The following KSR2 variants were observed in gnomAD, a reference collection of about 807,000 sequenced individuals.
The protein encoded by KSR2 is kinase suppressor of ras 2.
KSR2 carries 25 observed loss-of-function variants against 107.8 expected under a neutral mutation model. That is an observed-to-expected ratio of 0.23 (90% CI 0.17 to 0.32). The LOEUF is 0.32. Among genes scored for constraint, KSR2 ranks in the 10% least tolerant of loss-of-function variants. The pLI is 1.00. For synonymous variants in KSR2, 480 were observed against 507.0 expected, an observed-to-expected ratio of 0.95 and a Z score of 0.71; for missense variants, 887 against 1,268.9, an observed-to-expected ratio of 0.70 and a Z score of 4.57.
chr12:117,475,568 A>T (rs559641352), intron 17 of KSR2, among the ~76,000 whole-genome samples: 4 of 152,216 alleles, frequency 2.6e-5, no homozygotes, highest in African/African-American at 9.6e-5. Context: ...TTCCTCTTTT[A>T]TTCCCACAGT....
intron 4 of KSR2, among the ~76,000 whole-genome samples, chr12:117,697,102 C>T (rs2136599892): frequency 6.6e-6 from 1 of 152,296 alleles, no homozygotes; most frequent in Non-Finnish European, 1.5e-5. Flanking sequence ...AAGCACCCAG[C>T]ACAGAGAACA....
intron 9 of KSR2, among the ~76,000 whole-genome samples, chr12:117,550,686 G>A (rs1407097285): frequency 2.6e-5 from 4 of 152,228 alleles, no homozygotes; most frequent in Non-Finnish European, 5.9e-5. Context: ...GTCATAAGGA[G>A]TAGGAACTAT....
intron 17 of KSR2, among the ~76,000 whole-genome samples, chr12:117,476,030 C>T (rs139435745): frequency 6.6e-6 from 1 of 152,306 alleles, no homozygotes; most frequent in African/African-American, 2.4e-5. Flanking sequence ...CTCATAAAAG[C>T]CCACTCAGAA....
chr12:117,565,260 G>A (rs1244688039), intron 7 of KSR2, among the ~76,000 whole-genome samples: 2 of 152,198 alleles, frequency 1.3e-5, no homozygotes, highest in Non-Finnish European at 2.9e-5. Context: ...GCTCCGATCA[G>A]CTTCGATCTC....
chr12:117,550,115 A>G (rs1877185636), intron 9 of KSR2, among the ~76,000 whole-genome samples: 1 of 152,216 alleles, frequency 6.6e-6, no homozygotes, highest in Non-Finnish European at 1.5e-5. Flanking sequence ...AGCTGGAAAC[A>G]TCCATCAGAG....
At chr12:117,898,213 T>TTAAA (rs1486636011) in intron 1 of KSR2, among the ~76,000 whole-genome samples, 1 of 152,168 alleles carries the variant, frequency 6.6e-6, no homozygotes, top group Non-Finnish European at 1.5e-5. Context: ...TGGTACAGAG[T>TTAAA]TAAATGCAAT....
intron 5 of KSR2, among the ~76,000 whole-genome samples, chr12:117,652,884 C>A (rs1012135714): frequency 9.2e-5 from 14 of 152,126 alleles, no homozygotes; most frequent in African/African-American, 3.4e-4. Flanking sequence ...GTGGTCATTT[C>A]CCCAGTGCCA....
At chr12:117,594,243 C>G (rs1484749721) in intron 5 of KSR2, among the ~76,000 whole-genome samples, 1 of 152,142 alleles carries the variant, frequency 6.6e-6, no homozygotes, top group Non-Finnish European at 1.5e-5. Context: ...AATTTACTGC[C>G]TGGATGGACT....
At position 117,579,142 on chromosome 12, in the gene KSR2, A is replaced by G. The variant is rs774735100; in HGVS notation, c.1302T>C (p.Phe434=). ...ACTTGCAGTTTTTACACTTGAGGCC[A>G]AAAAGCATCCCTTTCCCACAGACTG... ...TCTVCGKGML[F]GLKCKNCKLK... Residue 434 remains phenylalanine (F), a synonymous_variant, in exon 7 of 20, where the codon TTT becomes TTC. Transcript: ENST00000339824. The G allele has an allele frequency of 1.2e-6, 2 of 1,613,198 alleles. No homozygotes were observed. The highest frequency in any genetic ancestry group is 2.2e-5 in the South Asian group (2 of 90,850).
intron 17 of KSR2, among the ~76,000 whole-genome samples, chr12:117,474,092 G>A (rs1266070495): frequency 4.6e-5 from 7 of 152,208 alleles, no homozygotes; most frequent in African/African-American, 1.2e-4. Flanking sequence ...CGGGTCCTTC[G>A]GAATTCAGCA....
intron 14 of KSR2, among the ~76,000 whole-genome samples, chr12:117,488,049 T>A (rs113621986): frequency 0.09 from 13,623 of 152,102 alleles, 1,014 homozygotes; most frequent in African/African-American, 0.2. Context: ...TCTCCTGGTA[T>A]TGAATAAGTC....
At chr12:117,663,653 T>C (rs1176447451) in intron 5 of KSR2, among the ~76,000 whole-genome samples, 2 of 152,192 alleles carry the variant, frequency 1.3e-5, no homozygotes, top group Non-Finnish European at 2.9e-5. Flanking sequence ...GTTAAGTAAT[T>C]TGTCCAGCGA....
chr12:117,658,374 G>A (rs1884276743), intron 5 of KSR2, among the ~76,000 whole-genome samples: 1 of 152,198 alleles, frequency 6.6e-6, no homozygotes, highest in South Asian at 2.1e-4. Context: ...TGATGATGGA[G>A]GAGGAGATGA....
intron 7 of KSR2, among the ~76,000 whole-genome samples, chr12:117,576,197 T>C (rs535833632): frequency 6.6e-5 from 10 of 152,278 alleles, no homozygotes; most frequent in Non-Finnish European, 1.2e-4. Flanking sequence ...CCCAGCTACA[T>C]CCCTGTCATC....
At chr12:117,926,236 C>G (rs557667270) in intron 1 of KSR2, among the ~76,000 whole-genome samples, 6 of 152,054 alleles carry the variant, frequency 3.9e-5, no homozygotes, top group Non-Finnish European at 8.8e-5. Context: ...AGGAGAAAAC[C>G]CAGCTCTCTC....
chr12:117,656,940 G>GGA lies in KSR2; in HGVS notation c.1171+10532_1171+10533dup, dbSNP rs146017185. On this transcript the variant is annotated intron_variant, in intron 5 of 19. Coordinates refer to ENST00000339824, the MANE Select transcript of KSR2 (RefSeq NM_173598.6). Reference sequence around the variant, plus strand: ...TGTGTGTGTATACATATATATAATAGGATATATATATATATATAATAGGAT... The same window carrying GGA: ...TGTGTGTGTATACATATATATAATAGGAGATATATATATATATATAATAGGAT... 2.9e-3 allele frequency among the ~76,000 whole-genome samples: 108 copies of GGA among 36,666 alleles called. 2 individuals carry two copies. The East Asian group carries it at 0.048, about 16-fold the overall frequency. 24.1% of individuals were successfully genotyped at this position (36,666 alleles called of 152,430 possible). A position where few individuals can be genotyped will look rare whatever the true frequency, so the allele number is the denominator to read the frequency against.
At chr12:117,601,097 T>A (rs908697507) in intron 5 of KSR2, among the ~76,000 whole-genome samples, 1 of 152,178 alleles carries the variant, frequency 6.6e-6, no homozygotes, top group African/African-American at 2.4e-5. Context: ...GGCATCCTAG[T>A]TCTGCTACTT....
chr12:117,643,586 T>C (rs1461116338), intron 5 of KSR2, among the ~76,000 whole-genome samples: 2 of 152,220 alleles, frequency 1.3e-5, no homozygotes, highest in Admixed American at 6.5e-5. Flanking sequence ...TGCACGAACA[T>C]ACTTTATGGA....
At chr12:117,680,005 T>C (rs530809563) in intron 4 of KSR2, among the ~76,000 whole-genome samples, 40 of 152,354 alleles carry the variant, frequency 2.6e-4, no homozygotes, top group African/African-American at 8.9e-4. Flanking sequence ...TCTGACTCTT[T>C]GTGGAACAAA....
Sources: allele counts gnomAD v4.1 joint callset (sites outside exome capture counted in the v4.1 genomes callset), GRCh38; gene constraint gnomAD v4.1.1; transcripts MANE v1.5; gene names NCBI Gene and HGNC (gene_info 2026-07-23, HGNC 2026-07-21).